CDADC1: variants seen among roughly 807,000 people sequenced by gnomAD.
CDADC1 encodes the protein dCTP deaminase.
In CDADC1, 39 loss-of-function variants were observed where a neutral mutation model predicts 54.9. The observed-to-expected ratio is 0.71, with a 90% CI of 0.55 to 0.93. The LOEUF is 0.93. Ranked by LOEUF, CDADC1 falls within the 40% of genes least tolerant of loss-of-function variation. CDADC1 has a pLI of 0.00. For missense variants in CDADC1, 518 were observed against 618.8 expected (o/e 0.84, Z 1.73); for synonymous variants, 186 against 204.0 (o/e 0.91, Z 0.75).
Position 49,292,919 on chromosome 13 carries a change from C to T in CDADC1, c.*1162C>T. On this transcript the variant is annotated 3_prime_UTR_variant, in exon 10 of 10. Coordinates refer to ENST00000251108, the MANE Select transcript of CDADC1 (RefSeq NM_030911.4). ...GCTTCCTACCAGTTTCTCAGAATTA[C>T]ACGCACGACCATCCAAACATTGGCT... is the stretch of plus-strand genomic sequence containing the variant. 2 of 518,648 alleles carry T rather than the reference C, an allele frequency of 3.9e-6. No individual in the cohort carries two copies. Among genetic ancestry groups the T allele is most frequent in the South Asian group, 2.0e-5 (1 of 50,722 alleles). The allele number at this position is 518,648 out of a possible 1,614,324, so 32.1% of individuals were successfully genotyped here.
In CDADC1 at chr13:49,248,938, A is replaced by G. The variant is rs1952359063; in HGVS notation, c.150A>G (p.Pro50=). 2.5e-6 allele frequency: 4 copies of G among 1,612,354 alleles called. No individual in the cohort carries two copies. In the East Asian group the frequency reaches 8.9e-5, roughly 36 times the overall value. Reference sequence around the variant, plus strand: ...TCAGCCTCTGGATGGAGCTCTTTCCAGCAGAAGCCCAGCGGCAAAAATCTC... The same window carrying G: ...TCAGCCTCTGGATGGAGCTCTTTCCGGCAGAAGCCCAGCGGCAAAAATCTC... ...TLLSLWMELF[P]AEAQRQKSQK... is the part of the protein sequence containing the mutation. Residue 50 remains proline (P), a synonymous_variant, in exon 2 of 10, where the codon CCA becomes CCG. Transcript: ENST00000251108.
At position 49,291,964 on chromosome 13, in the gene CDADC1, T is replaced by A. The variant is rs910074755; in HGVS notation, c.*207T>A. The A allele has an allele frequency of 2.0e-5, 26 of 1,311,666 alleles. No individual in the cohort carries two copies. Among genetic ancestry groups the A allele is most frequent in the Middle Eastern group, 2.9e-4 (1 of 3,434 alleles). 81.3% of individuals were successfully genotyped at this position (1,311,666 alleles called of 1,614,324 possible). A position where few individuals can be genotyped will look rare whatever the true frequency, so the allele number is the denominator to read the frequency against. On this transcript the variant is annotated 3_prime_UTR_variant, in exon 10 of 10. Transcript: ENST00000251108. ...GTGTGGGTTTTCCATAATGTAGTAG[T>A]GTGTTATTTTATTACACGAAATGAG... is the stretch of plus-strand genomic sequence containing the variant.
At chr13:49,275,229 G>A (rs879788692) in intron 6 of CDADC1, among the ~76,000 whole-genome samples, 5 of 151,616 alleles carry the variant, frequency 3.3e-5, no homozygotes, top group Admixed American at 2.0e-4. Context: ...GGGACTATAG[G>A]CATGTACCAC....
chr13:49,291,665 G>C lies in CDADC1; in HGVS notation c.1472-19G>C, dbSNP rs757962185. 1 of 1,612,146 alleles carries C rather than the reference G, an allele frequency of 6.2e-7. No homozygotes were observed. Among genetic ancestry groups the C allele is most frequent in the South Asian group, 1.1e-5 (1 of 90,582 alleles). On this transcript the variant is annotated intron_variant, in intron 9 of 9. Coordinates refer to ENST00000251108, the MANE Select transcript of CDADC1 (RefSeq NM_030911.4). ...TTTGAAATGAAGCTGTCCTGACCTA[G>C]CGTTATTCTCAATGCTAGATGGTGT...
intron 8 of CDADC1, among the ~76,000 whole-genome samples, chr13:49,285,372 GT>G (rs1448639075): frequency 6.6e-6 from 1 of 151,844 alleles, no homozygotes; most frequent in Admixed American, 6.6e-5. Flanking sequence ...TAGAGACGGG[GT>G]TTCACCTTGT....
intron 6 of CDADC1, among the ~76,000 whole-genome samples, chr13:49,275,466 G>C (rs2138239956): frequency 6.6e-6 from 1 of 151,052 alleles, no homozygotes; most frequent in East Asian, 1.9e-4. Flanking sequence ...CAAGTTAATG[G>C]GACCAGGAGA....
At chr13:49,260,107 A>T (rs1163923492) in intron 4 of CDADC1, among the ~76,000 whole-genome samples, 3 of 152,138 alleles carry the variant, frequency 2.0e-5, no homozygotes, top group African/African-American at 7.2e-5. Flanking sequence ...AAAATAAAAT[A>T]AAAAATATGT....
chr13:49,268,226 C>T (rs938717838), intron 5 of CDADC1, among the ~76,000 whole-genome samples, 167 bp downstream of exon 5: 2 of 152,160 alleles, frequency 1.3e-5, no homozygotes, highest in Non-Finnish European at 2.9e-5. Context: ...CTCTTTCTCC[C>T]AGCAGTTTTG....
rs1384224108 is a variant in CDADC1, at chr13:49,280,465, C to G, written c.1221-44C>G. Reference sequence around the variant, plus strand: ...AGATTTTTCTAAAAAATAACTTACCCTTTCAGAAACGACCTTTCTGATATT... The same window carrying G: ...AGATTTTTCTAAAAAATAACTTACCGTTTCAGAAACGACCTTTCTGATATT... On this transcript the variant is annotated intron_variant, in intron 7 of 9. Transcript: ENST00000251108. 3 of 1,057,710 alleles carry G rather than the reference C, an allele frequency of 2.8e-6. No homozygotes were observed. The African/African-American group carries it at 4.8e-5, about 17-fold the overall frequency. The allele number at this position is 1,057,710 out of a possible 1,614,324, so 65.5% of individuals were successfully genotyped here.
intron 5 of CDADC1, 46 bp downstream of exon 5, chr13:49,268,105 T>G: frequency 7.0e-7 from 1 of 1,431,906 alleles, no homozygotes; most frequent in East Asian, 2.3e-5. Context: ...TTGGGTTGTA[T>G]TTGTCTCTGA....
intron 2 of CDADC1, 145 bp downstream of exon 2, chr13:49,249,110 A>G: frequency 1.7e-6 from 1 of 605,092 alleles, no homozygotes; most frequent in Non-Finnish European, 2.9e-6. Context: ...ATGACACTTT[A>G]TAATTCCCAG....
At position 49,290,079 on chromosome 13, in the gene CDADC1, T is replaced by G. The variant is rs987029626; in HGVS notation, c.1472-1605T>G. Among the ~76,000 whole-genome samples the G allele has an allele frequency of 5.9e-5, 9 of 151,818 alleles. No homozygotes were observed. In the South Asian group the frequency reaches 1.9e-3, roughly 31 times the overall value. ...AATATATAAATAAATAAATAAAATA[T>G]ACTTTAATATATAGTATATACAGTA... On this transcript the variant is annotated intron_variant, in intron 9 of 9. Transcript: ENST00000251108.
rs1158561250 is a variant in CDADC1, at chr13:49,291,852, T to G, written c.*95T>G. Reference sequence around the variant, plus strand: ...ATTCAGAAAATAAGGATGGATTTTGTGAATAATTGAAAAGATTTTTTAAGG... The same window carrying G: ...ATTCAGAAAATAAGGATGGATTTTGGGAATAATTGAAAAGATTTTTTAAGG... On this transcript the variant is annotated 3_prime_UTR_variant, in exon 10 of 10. Transcript: ENST00000251108. The G allele has an allele frequency of 6.7e-7, 1 of 1,490,000 alleles. No individual in the cohort carries two copies. Among genetic ancestry groups the G allele is most frequent in the African/African-American group, 1.4e-5 (1 of 70,934 alleles). 92.3% of individuals were successfully genotyped at this position (1,490,000 alleles called of 1,614,324 possible).
chr13:49,274,506 A>G (rs1482092657), intron 6 of CDADC1, among the ~76,000 whole-genome samples, 166 bp downstream of exon 6: 3 of 151,966 alleles, frequency 2.0e-5, no homozygotes, highest in Non-Finnish European at 4.4e-5. Context: ...TACTAAAAAA[A>G]AAAAAAATAC....
At chr13:49,278,657 T>G in intron 7 of CDADC1, 138 bp downstream of exon 7, 2 of 675,268 alleles carry the variant, frequency 3.0e-6, no homozygotes, top group Non-Finnish European at 4.6e-6. Context: ...TTGGTAAAGC[T>G]TGGTCCTCAC....
rs763268368 is a variant in CDADC1 at position 49,259,501 on chromosome 13, T to A, written c.408T>A (p.Ala136=). The change falls in exon 4 of 10, where the codon GCT becomes GCA. Residue 136 remains alanine, a synonymous_variant. Coordinates refer to ENST00000251108, the MANE Select transcript of CDADC1 (RefSeq NM_030911.4). ...DLYFSRKPCS[A]CLKMIVNAGV... ...ATTTTTCCAGAAAACCATGTTCTGC[T>A]TGTTTGAAAATGATTGTAAATGGTA... 5 of 1,613,940 alleles carry A rather than the reference T, an allele frequency of 3.1e-6. No homozygotes were observed. In the South Asian group the frequency reaches 5.5e-5, roughly 18 times the overall value.
At chr13:49,258,446 C>G (rs114216733) in intron 3 of CDADC1, among the ~76,000 whole-genome samples, 1 of 151,854 alleles carries the variant, frequency 6.6e-6, no homozygotes. Context: ...TTTTTTTTAA[C>G]CTTAGTCTGT....
chr13:49,266,539 A>G (rs759764716), intron 4 of CDADC1, among the ~76,000 whole-genome samples: 1 of 152,220 alleles, frequency 6.6e-6, no homozygotes, highest in Admixed American at 6.5e-5. Flanking sequence ...AGCTTTAAAA[A>G]GTTAATATTG....
intron 4 of CDADC1, among the ~76,000 whole-genome samples, chr13:49,262,274 A>C (rs1593804571): frequency 6.6e-6 from 1 of 152,034 alleles, no homozygotes; most frequent in Non-Finnish European, 1.5e-5. Context: ...GAAACCCCAT[A>C]TCTACTAAAA....
Sources: gnomAD v4.1 joint callset for allele counts (sites outside exome capture counted in the v4.1 genomes callset) on GRCh38, gnomAD v4.1.1 for gene constraint, MANE v1.5 for transcripts, NCBI Gene and HGNC (gene_info 2026-07-23, HGNC 2026-07-21) for gene names.